The following AGAP3 variants were observed in gnomAD, a reference collection of about 807,000 sequenced individuals.
The protein encoded by AGAP3 is arf-GAP with GTPase, ANK repeat and PH domain-containing protein 3.
In AGAP3, 24 loss-of-function variants were observed where a neutral mutation model predicts 96.9. The ratio of observed to expected loss-of-function variants is 0.25; its 90% CI spans 0.18 to 0.35. The LOEUF (loss-of-function observed/expected upper bound fraction) is 0.35, where lower values mean the gene tolerates loss of function less well. Ranked by LOEUF, AGAP3 falls within the 10% of genes least tolerant of loss-of-function variation. The probability of loss-of-function intolerance (pLI) is 1.00; values close to 1 mark genes in which losing one functional copy is unlikely to be tolerated. For synonymous variants in AGAP3, 563 were observed against 536.1 expected, an observed-to-expected ratio of 1.05 and a Z score of -0.69; for missense variants, 876 against 1,254.2, an observed-to-expected ratio of 0.70 and a Z score of 4.55.
At position 151,138,157 on chromosome 7, in the gene AGAP3, G is replaced by T. The variant is rs1206414003; in HGVS notation, c.1510G>T (p.Ala504Ser). Residue 504 changes from alanine (A) to serine (S), a missense_variant, in exon 12 of 18, where the codon GCC (alanine) becomes TCC (serine). Ala to Ser is a moderately conservative substitution (Grantham distance 99). This residue lies in a region of AGAP3 where 155 missense variants were observed against 144.4 expected (regional missense o/e 1.07). Coordinates refer to ENST00000397238, the MANE Select transcript of AGAP3 (RefSeq NM_031946.7). ...LGGGTGAPHS[A>S]SSASLHSERP... ...CCCGCCCCCAGGTGCCCCCCACTCG[G>T]CCAGCAGCGCATCCCTGCACTCTGA... 1 of 1,601,338 alleles carries T rather than the reference G, an allele frequency of 6.2e-7. No individual in the cohort carries two copies. Among genetic ancestry groups the T allele is most frequent in the Non-Finnish European group, 8.5e-7 (1 of 1,174,562 alleles).
At chr7:151,125,260 A>T (rs1310230087) in intron 9 of AGAP3, among the ~76,000 whole-genome samples, 1 of 152,140 alleles carries the variant, frequency 6.6e-6, no homozygotes, top group African/African-American at 2.4e-5. Context: ...CGAAAATGGG[A>T]CCACTTTCCT....
rs186900830 is a variant in AGAP3 at position 151,141,971 on chromosome 7, G to A, written c.1878G>A (p.Ala626=). Residue 626 remains alanine, a synonymous_variant, in exon 14 of 18, where the codon GCG becomes GCA. Transcript: ENST00000397238. The surrounding 1 kb of genome is among the most constrained non-coding windows in gnomAD (Gnocchi z 4.2). ...GQTWHFEAST[A]EERELWVQSV... is the part of the protein sequence containing the mutation. ...CGTGGCACTTCGAGGCTTCAACGGCGGAGGAGCGGGAGCTGTGGGTTCAGA... is the reference window on the plus strand; with the variant it reads ...CGTGGCACTTCGAGGCTTCAACGGCAGAGGAGCGGGAGCTGTGGGTTCAGA... The A allele has an allele frequency of 2.4e-3, 3,891 of 1,614,176 alleles. 7 individuals carry two copies. Among genetic ancestry groups the A allele is most frequent in the Non-Finnish European group, 3.0e-3 (3,549 of 1,180,022 alleles).
At position 151,120,203 on chromosome 7, in the gene AGAP3, C is replaced by CGCCGAGCTCCCA. The variant is rs1799810864; in HGVS notation, c.1128+62_1128+73dup. 18 of 1,522,174 alleles carry CGCCGAGCTCCCA rather than the reference C, an allele frequency of 1.2e-5. No individual in the cohort carries two copies. The South Asian group carries it at 2.3e-4, about 19-fold the overall frequency. 94.3% of individuals were successfully genotyped at this position (1,522,174 alleles called of 1,614,324 possible). ...CCTTTGCTGCACAGGCAGGGCTGAG[C>CGCCGAGCTCCCA]GCCGAGCTCCCAGCCAGGAGGGGCG... On this transcript the variant is annotated intron_variant, in intron 8 of 17. Transcript: ENST00000397238.
chr7:151,097,695 G>C (rs1798665282), intron 1 of AGAP3, among the ~76,000 whole-genome samples: 1 of 151,930 alleles, frequency 6.6e-6, no homozygotes, highest in South Asian at 2.1e-4. Flanking sequence ...GGGAGCGACA[G>C]GGAGGGCGCT....
intron 1 of AGAP3, chr7:151,115,624 T>A (rs1467267037): frequency 1.7e-5 from 20 of 1,167,834 alleles, no homozygotes; most frequent in Non-Finnish European, 2.1e-5. Flanking sequence ...GCCCCGGAGC[T>A]CCTGCGCGCG....
chr7:151,135,658 A>T (rs1473081926), intron 11 of AGAP3, among the ~76,000 whole-genome samples: 3 of 152,218 alleles, frequency 2.0e-5, no homozygotes, highest in Admixed American at 2.0e-4. Context: ...CCACTCTCGC[A>T]GAAACACCGT....
rs1798174513 is a variant in AGAP3, at chr7:151,086,852, C to T, written c.111C>T (p.Gly37=). ...AGCTCGTCTGCGGCGGGCAGTTCGG[C>T]GGCGCGGGGCCCGGGGCCGGGGGCG... ...AQQLVCGGQF[G]GAGPGAGGGG... is the part of the protein sequence containing the mutation. Residue 37 remains glycine (G), a synonymous_variant, in exon 1 of 18, where the codon GGC becomes GGT. Coordinates refer to ENST00000397238, the MANE Select transcript of AGAP3 (RefSeq NM_031946.7). 1.1e-5 allele frequency: 11 copies of T among 1,031,994 alleles called. No individual in the cohort carries two copies. The highest frequency in any genetic ancestry group is 1.3e-5 in the Non-Finnish European group (11 of 857,242). The allele number at this position is 1,031,994 out of a possible 1,614,324, so 63.9% of individuals were successfully genotyped here.
intron 8 of AGAP3, chr7:151,120,424 C>T: frequency 1.5e-6 from 1 of 675,982 alleles, no homozygotes; most frequent in South Asian, 1.5e-5. Context: ...TCCCCGCCGC[C>T]TTCCTCTCTC....
intron 1 of AGAP3, among the ~76,000 whole-genome samples, chr7:151,115,809 G>A (rs935535331): frequency 1.3e-4 from 20 of 152,348 alleles, no homozygotes; most frequent in South Asian, 2.1e-4. Flanking sequence ...AGTGGCCGAG[G>A]AGGACAGGCC....
chr7:151,120,239 C>A, intron 8 of AGAP3, 94 bp downstream of exon 8: 1 of 1,359,868 alleles, frequency 7.4e-7, no homozygotes, highest in Non-Finnish European at 1.0e-6. Context: ...TGGGCAGCCC[C>A]AAGTCAGGAA....
At chr7:151,110,127 G>A (rs897164794) in intron 1 of AGAP3, among the ~76,000 whole-genome samples, 2 of 152,196 alleles carry the variant, frequency 1.3e-5, no homozygotes, top group African/African-American at 4.8e-5. Flanking sequence ...GCCTGTGCCT[G>A]TGACTTCTCT....
At chr7:151,134,203 CT>C (rs1315050672) in intron 10 of AGAP3, among the ~76,000 whole-genome samples, 196 bp from the exon 11 acceptor site, 1 of 152,182 alleles carries the variant, frequency 6.6e-6, no homozygotes, top group Non-Finnish European at 1.5e-5. Flanking sequence ...CAGACTCCCC[CT>C]AGAGCTGCTT....
Position 151,143,656 on chromosome 7 carries a change from G to T in AGAP3, c.2529+60G>T. The T allele has an allele frequency of 1.2e-6, 2 of 1,603,958 alleles. No homozygotes were observed. The highest frequency in any genetic ancestry group is 3.4e-5 in the Admixed American group (2 of 59,580). ...CTCTTCTTAGCCTTGTTCTTTGAAA[G>T]CAACCTCTTCTTTCCTCCCCTACAA... On this transcript the variant is annotated intron_variant, in intron 17 of 17. Coordinates refer to ENST00000397238, the MANE Select transcript of AGAP3 (RefSeq NM_031946.7). The surrounding 1 kb of genome is among the most constrained non-coding windows in gnomAD (Gnocchi z 5.9).
At chr7:151,091,176 G>C (rs938153360) in intron 1 of AGAP3, among the ~76,000 whole-genome samples, 3 of 152,184 alleles carry the variant, frequency 2.0e-5, no homozygotes, top group Non-Finnish European at 4.4e-5. Context: ...TTCCGCCGTG[G>C]GCCCTGCTGC....
Position 151,118,419 on chromosome 7 carries a change from G to A in AGAP3, c.841+75G>A, listed in dbSNP as rs1799701550. On this transcript the variant is annotated intron_variant, in intron 6 of 17. Coordinates refer to ENST00000397238, the MANE Select transcript of AGAP3 (RefSeq NM_031946.7). This position sits in a 1 kb window ranked among gnomAD's most constrained non-coding sequence, Gnocchi z 6.1. Reference sequence around the variant, plus strand: ...GGCGATAGGAAGGCTCCCAGTGAGAGCAAGGCTGTGTGTCTGGGGGGAGGT... The same window carrying A: ...GGCGATAGGAAGGCTCCCAGTGAGAACAAGGCTGTGTGTCTGGGGGGAGGT... 1.3e-6 allele frequency: 2 copies of A among 1,599,224 alleles called. No individual in the cohort carries two copies. The highest frequency in any genetic ancestry group is 1.7e-6 in the Non-Finnish European group (2 of 1,168,956).
intron 1 of AGAP3, among the ~76,000 whole-genome samples, chr7:151,109,991 G>A (rs911720367): frequency 1.3e-5 from 2 of 152,246 alleles, no homozygotes; most frequent in African/African-American, 4.8e-5. Flanking sequence ...TTTACAGACA[G>A]ACCTGAGGTT....
In AGAP3 at chr7:151,140,569, C is replaced by G. The variant is rs1474647428; in HGVS notation, c.1804+453C>G. 6.6e-6 allele frequency: 1 copy of G among 152,520 alleles called. No homozygotes were observed. The highest frequency in any genetic ancestry group is 1.5e-5 in the Non-Finnish European group (1 of 68,260). 9.4% of individuals were successfully genotyped at this position (152,520 alleles called of 1,614,324 possible). On this transcript the variant is annotated intron_variant, in intron 13 of 17. Transcript: ENST00000397238. The surrounding 1 kb of genome is among the most constrained non-coding windows in gnomAD (Gnocchi z 5.4). Reference sequence around the variant, plus strand: ...TGAAGCCTTCTTCCATAGGACCTTTCTCTTCCTCTATTAATTATACTGCTG... The same window carrying G: ...TGAAGCCTTCTTCCATAGGACCTTTGTCTTCCTCTATTAATTATACTGCTG...
rs142257991 is a variant in AGAP3 at position 151,119,548 on chromosome 7, C to T, written c.970-439C>T. ...ATGCTGCAGTGCCCTGGGCCACCTCCGGCTCCCGCCTCCTGGCCTCCTGCA... is the reference window on the plus strand; with the variant it reads ...ATGCTGCAGTGCCCTGGGCCACCTCTGGCTCCCGCCTCCTGGCCTCCTGCA... On this transcript the variant is annotated intron_variant, in intron 7 of 17. Coordinates refer to ENST00000397238, the MANE Select transcript of AGAP3 (RefSeq NM_031946.7). Among the ~76,000 whole-genome samples, 146 of 152,366 alleles carry T rather than the reference C, an allele frequency of 9.6e-4. 1 individual carries two copies. In the East Asian group the frequency reaches 0.023, roughly 24 times the overall value.
upstream of AGAP3, among the ~76,000 whole-genome samples, chr7:151,086,296 G>A (rs1245990249): frequency 6.7e-6 from 1 of 150,286 alleles, no homozygotes; most frequent in East Asian, 2.0e-4. Flanking sequence ...GCGCGGCTCG[G>A]GGGTGGAGGC....
Sources: gnomAD v4.1 joint callset for allele counts (sites outside exome capture counted in the v4.1 genomes callset) on GRCh38, gnomAD v4.1.1 for gene constraint, gnomAD v4.1.1 regional missense constraint, Gnocchi (gnomAD v3.1) non-coding constraint, MANE v1.5 for transcripts, NCBI Gene and HGNC (gene_info 2026-07-23, HGNC 2026-07-21) for gene names.